Variants in RPS6KC1 observed in about 807,000 individuals in gnomAD.
The protein encoded by RPS6KC1 is ribosomal protein S6 kinase C1.
In RPS6KC1, 54 loss-of-function variants were observed where a neutral mutation model predicts 103.8. The ratio of observed to expected loss-of-function variants is 0.52; its 90% CI spans 0.42 to 0.65. The LOEUF (loss-of-function observed/expected upper bound fraction) is 0.65. RPS6KC1 is among the 30% of genes least tolerant of loss of function. The pLI, the probability that RPS6KC1 is intolerant of heterozygous loss-of-function variation, is 0.00. For missense variants in RPS6KC1, 1,151 were observed against 1,253.8 expected, an observed-to-expected ratio of 0.92 and a Z score of 1.24; for synonymous variants, 439 against 438.7, an observed-to-expected ratio of 1.00 and a Z score of -0.01.
chr1:213,679,174 C>A, the RPS6KC1 span, among the ~76,000 whole-genome samples: 1 of 152,166 alleles, frequency 6.6e-6, no homozygotes, highest in Non-Finnish European at 1.5e-5. Flanking sequence ...AAGTAAAGTG[C>A]TGCAGTCTTT....
chr1:213,066,044 T>C (rs974488461), intron 1 of RPS6KC1, among the ~76,000 whole-genome samples: 6 of 152,192 alleles, frequency 3.9e-5, no homozygotes, highest in African/African-American at 1.2e-4. Context: ...GCCTAACTCA[T>C]AGGTTGTTGA....
chr1:213,264,636 T>C (rs557968139), intron 14 of RPS6KC1, among the ~76,000 whole-genome samples: 1 of 152,292 alleles, frequency 6.6e-6, no homozygotes, highest in African/African-American at 2.4e-5. Context: ...CATTGTGTCA[T>C]TGGCCTGCCT....
the RPS6KC1 span, among the ~76,000 whole-genome samples, chr1:213,534,941 GT>G: frequency 1.3e-5 from 2 of 152,062 alleles, no homozygotes; most frequent in African/African-American, 2.4e-5. Flanking sequence ...CCCAATCATG[GT>G]TAATCCTACG....
At chr1:213,518,026 G>A in the RPS6KC1 span, among the ~76,000 whole-genome samples, 1 of 152,086 alleles carries the variant, frequency 6.6e-6, no homozygotes, top group Non-Finnish European at 1.5e-5. Context: ...TTTAAAGTCT[G>A]TTTTATCAGA....
the RPS6KC1 span, among the ~76,000 whole-genome samples, chr1:213,483,463 A>T: frequency 6.6e-6 from 1 of 152,252 alleles, no homozygotes; most frequent in Non-Finnish European, 1.5e-5. Context: ...TAAAAATGCT[A>T]TGAAAATTTA....
At chr1:213,170,125 A>G (rs1404022851) in intron 7 of RPS6KC1, among the ~76,000 whole-genome samples, 1 of 152,160 alleles carries the variant, frequency 6.6e-6, no homozygotes, top group East Asian at 1.9e-4. Flanking sequence ...CCAGTATTCT[A>G]TTCATTCTTA....
the RPS6KC1 span, among the ~76,000 whole-genome samples, chr1:213,316,433 T>C: frequency 6.6e-6 from 1 of 152,246 alleles, no homozygotes; most frequent in Non-Finnish European, 1.5e-5. Context: ...GGTTAAACCA[T>C]GCCTAAATTA....
At chr1:213,357,213 G>A in the RPS6KC1 span, among the ~76,000 whole-genome samples, 3 of 151,986 alleles carry the variant, frequency 2.0e-5, no homozygotes, top group Non-Finnish European at 4.4e-5. Flanking sequence ...TGATTGTTAG[G>A]CAACGACTCC....
chr1:213,595,709 A>C, the RPS6KC1 span, among the ~76,000 whole-genome samples: 1 of 152,270 alleles, frequency 6.6e-6, no homozygotes, highest in Admixed American at 6.5e-5. Context: ...TGCCTTTACC[A>C]GGGGAATCAT....
chr1:213,129,419 C>A, intron 5 of RPS6KC1, 108 bp from the exon 6 acceptor site: 1 of 1,242,566 alleles, frequency 8.0e-7, no homozygotes, highest in Non-Finnish European at 1.1e-6. Flanking sequence ...AAATTACAGC[C>A]TTCCAAATTG....
intron 8 of RPS6KC1, among the ~76,000 whole-genome samples, chr1:213,221,153 A>G (rs1158948935): frequency 6.6e-6 from 1 of 151,936 alleles, no homozygotes; most frequent in Non-Finnish European, 1.5e-5. Context: ...CATAATGCCT[A>G]TTTTCAATAA....
At chr1:213,107,807 A>G (rs755851285) in intron 4 of RPS6KC1, among the ~76,000 whole-genome samples, 3 of 152,160 alleles carry the variant, frequency 2.0e-5, no homozygotes, top group Non-Finnish European at 4.4e-5. Context: ...GTATTGTCTG[A>G]TTTTTTAACT....
chr1:213,559,141 C>G, the RPS6KC1 span, among the ~76,000 whole-genome samples: 1 of 152,276 alleles, frequency 6.6e-6, no homozygotes, highest in African/African-American at 2.4e-5. Flanking sequence ...GTTGGATGCC[C>G]TCTAGCTTCA....
chr1:213,598,539 AG>A, the RPS6KC1 span, among the ~76,000 whole-genome samples: 307 of 152,220 alleles, frequency 2.0e-3, 1 homozygote, highest in African/African-American at 7.1e-3. Flanking sequence ...TCTGCTTTTT[AG>A]GTAAATAAAA....
intron 1 of RPS6KC1, among the ~76,000 whole-genome samples, chr1:213,052,378 G>A (rs2077023138): frequency 1.3e-5 from 2 of 152,150 alleles, no homozygotes; most frequent in Admixed American, 1.3e-4. Flanking sequence ...ACTTTACATT[G>A]CAAGGCAGTA....
At chr1:213,406,658 T>C in the RPS6KC1 span, among the ~76,000 whole-genome samples, 1 of 152,022 alleles carries the variant, frequency 6.6e-6, no homozygotes, top group African/African-American at 2.4e-5. Flanking sequence ...GTTGAAGGGG[T>C]CATATAAAAA....
chr1:213,860,111 A>G, the RPS6KC1 span, among the ~76,000 whole-genome samples: 1 of 151,284 alleles, frequency 6.6e-6, no homozygotes, highest in Non-Finnish European at 1.5e-5. Flanking sequence ...ACGTATATAT[A>G]TTCAGATATA....
chr1:213,051,446 C>T lies in RPS6KC1; in HGVS notation c.42C>T (p.Phe14=), dbSNP rs376722820. Reference sequence around the variant, plus strand: ...AGCGGAGTGCCGACCTGGCCCGTTTCTACACTGTCACCGAGCCCCAGCGAC... The same window carrying T: ...AGCGGAGTGCCGACCTGGCCCGTTTTTACACTGTCACCGAGCCCCAGCGAC... ...YRERSADLAR[F]YTVTEPQRHP... Residue 14 remains phenylalanine, a synonymous_variant, in exon 1 of 15, where the codon TTC becomes TTT. Transcript: ENST00000366960. 18 of 1,613,702 alleles carry T rather than the reference C, an allele frequency of 1.1e-5. No homozygotes were observed. The highest frequency in any genetic ancestry group is 1.1e-4 in the South Asian group (10 of 91,042).
the RPS6KC1 span, among the ~76,000 whole-genome samples, chr1:213,845,034 G>C: frequency 1.4e-5 from 2 of 142,828 alleles, no homozygotes; most frequent in African/African-American, 2.6e-5. Context: ...TTCTGCCCCC[G>C]CACTTCAACC....
Sources: gnomAD v4.1 joint callset for allele counts (sites outside exome capture counted in the v4.1 genomes callset) on GRCh38, gnomAD v4.1.1 for gene constraint, MANE v1.5 for transcripts, NCBI Gene and HGNC (gene_info 2026-07-23, HGNC 2026-07-21) for gene names.